The following AUH variants were observed in gnomAD, a reference collection of about 807,000 sequenced individuals.
AUH encodes the protein AU RNA binding methylglutaconyl-CoA hydratase, also known as methylglutaconyl-CoA hydratase, mitochondrial.
AUH carries 29 observed loss-of-function variants against 42.3 expected under a neutral mutation model. That is an observed-to-expected ratio of 0.69 (90% CI 0.51 to 0.93). AUH has a LOEUF of 0.93. Ranked by LOEUF, AUH falls within the 40% of genes least tolerant of loss-of-function variation. The pLI is 0.00. For synonymous variants in AUH, 174 were observed against 166.4 expected (o/e 1.05, Z -0.35); for missense variants, 452 against 438.1 (o/e 1.03, Z -0.28).
intron 6 of AUH, among the ~76,000 whole-genome samples, chr9:91,268,492 G>A (rs1046284216): frequency 2.6e-5 from 4 of 151,856 alleles, no homozygotes; most frequent in African/African-American, 4.8e-5. Context: ...GTGCAGTGGC[G>A]CCATCTCGGC....
At chr9:91,236,184 T>C (rs1054594689) in intron 6 of AUH, among the ~76,000 whole-genome samples, 2 of 150,748 alleles carry the variant, frequency 1.3e-5, no homozygotes, top group African/African-American at 2.4e-5. Context: ...ACACTTGAGA[T>C]GTGTGATCAG....
intron 4 of AUH, among the ~76,000 whole-genome samples, chr9:91,298,604 T>C (rs1267137640): frequency 6.6e-6 from 1 of 152,202 alleles, no homozygotes; most frequent in Admixed American, 6.5e-5. Context: ...GCCCTAACAT[T>C]ATGAATGGGA....
chr9:91,320,614 C>A (rs1238046705), intron 4 of AUH, among the ~76,000 whole-genome samples: 1 of 152,204 alleles, frequency 6.6e-6, no homozygotes, highest in Non-Finnish European at 1.5e-5. Flanking sequence ...ATTCTGGGGA[C>A]TGCCCGATTC....
chr9:91,344,081 C>A (rs1831304116), intron 3 of AUH, among the ~76,000 whole-genome samples: 1 of 152,100 alleles, frequency 6.6e-6, no homozygotes, highest in African/African-American at 2.4e-5. Context: ...CACAGATGAC[C>A]AGCATTAACA....
chr9:91,292,274 T>A (rs1468617784), intron 6 of AUH, among the ~76,000 whole-genome samples: 1 of 118,952 alleles, frequency 8.4e-6, no homozygotes. Flanking sequence ...GGGAACCCTC[T>A]TTTTTTTTTT....
At chr9:91,283,187 T>C (rs1451627046) in intron 6 of AUH, among the ~76,000 whole-genome samples, 1 of 152,152 alleles carries the variant, frequency 6.6e-6, no homozygotes, top group Non-Finnish European at 1.5e-5. Flanking sequence ...TAATCCAGCA[T>C]ATAAACAGAA....
intron 6 of AUH, among the ~76,000 whole-genome samples, chr9:91,285,204 G>T (rs1024929255): frequency 2.6e-5 from 4 of 151,682 alleles, no homozygotes; most frequent in Non-Finnish European, 2.9e-5. Flanking sequence ...GCAAACTATT[G>T]CAAGGACAAA....
intron 4 of AUH, among the ~76,000 whole-genome samples, chr9:91,304,414 A>G (rs1828051212): frequency 6.6e-6 from 1 of 152,244 alleles, no homozygotes; most frequent in Non-Finnish European, 1.5e-5. Context: ...GCAACATGGA[A>G]TAGGGTCCAA....
rs758238979 is a variant in AUH at position 91,361,687 on chromosome 9, C to G, written c.203G>C (p.Ser68Thr). The change falls in exon 1 of 10, where the codon AGC becomes ACC. Residue 68 changes from serine (S) to threonine (T), a missense_variant. Physicochemically the swap from Ser to Thr is moderately conservative, Grantham distance 58. Transcript: ENST00000375731. ...CTCGTCCTCCGTCTTCATCTCAGAGCTGTAGCCCCTTTTCGGGGCGGGACC... is the reference window on the plus strand; with the variant it reads ...CTCGTCCTCCGTCTTCATCTCAGAGGTGTAGCCCCTTTTCGGGGCGGGACC... ...AGGPAPKRGY[S>T]SEMKTEDELR... 1 of 1,572,302 alleles carries G rather than the reference C, an allele frequency of 6.4e-7. No individual in the cohort carries two copies.
chr9:91,307,471 G>A (rs1456224111), intron 4 of AUH, among the ~76,000 whole-genome samples: 4 of 152,044 alleles, frequency 2.6e-5, no homozygotes, highest in African/African-American at 7.2e-5. Flanking sequence ...ATGGTCAACC[G>A]CAGTTAAAAA....
intron 6 of AUH, among the ~76,000 whole-genome samples, chr9:91,252,902 G>A (rs969165885): frequency 1.3e-5 from 2 of 152,056 alleles, no homozygotes; most frequent in Non-Finnish European, 2.9e-5. Flanking sequence ...ATGAGAATAC[G>A]CAAACTTTTT....
chr9:91,271,269 A>G, intron 6 of AUH, among the ~76,000 whole-genome samples: 1 of 152,252 alleles, frequency 6.6e-6, no homozygotes, highest in Non-Finnish European at 1.5e-5. Context: ...AATAGAAAAG[A>G]GCATGCTTCC....
At chr9:91,233,441 A>AG (rs1249292121) in intron 6 of AUH, among the ~76,000 whole-genome samples, 3 of 152,168 alleles carry the variant, frequency 2.0e-5, no homozygotes, top group Non-Finnish European at 4.4e-5. Flanking sequence ...GTTTACTCTG[A>AG]GGGGGACAAG....
intron 6 of AUH, among the ~76,000 whole-genome samples, chr9:91,225,814 G>A (rs1310636490): frequency 6.6e-6 from 1 of 151,088 alleles, no homozygotes; most frequent in Admixed American, 6.6e-5. Flanking sequence ...TTGGTTTTTT[G>A]TTCTTGGGAT....
intron 5 of AUH, 82 bp downstream of exon 5, chr9:91,297,902 G>T: frequency 1.8e-6 from 2 of 1,136,104 alleles, no homozygotes; most frequent in Non-Finnish European, 2.6e-6. Context: ...ACAGGAAGCA[G>T]AATAAAATAT....
rs542073252 is a variant in AUH at position 91,256,547 on chromosome 9, G to A, written c.656-35555C>T. ...GGAAAGTCACTGTAGTCTTAACAAG[G>A]AGGGCTGGGATTTTGCCTCTGCTTG... On this transcript the variant is annotated intron_variant, in intron 6 of 9. Transcript: ENST00000375731. Among the ~76,000 whole-genome samples, 77 of 152,118 alleles carry A rather than the reference G, an allele frequency of 5.1e-4. 2 individuals are homozygous for A. The highest frequency in any genetic ancestry group is 1.8e-3 in the African/African-American group (75 of 41,474).
chr9:91,331,343 T>C (rs1830311189), intron 3 of AUH, among the ~76,000 whole-genome samples: 1 of 152,222 alleles, frequency 6.6e-6, no homozygotes, highest in South Asian at 2.1e-4. Context: ...AATGGCAGTA[T>C]CATAGCCAAT....
intron 5 of AUH, 99 bp from the exon 6 acceptor site, chr9:91,296,176 A>G: frequency 8.6e-7 from 1 of 1,159,174 alleles, no homozygotes; most frequent in Non-Finnish European, 1.2e-6. Context: ...TTGTTTACTA[A>G]TTAAATTGAT....
intron 3 of AUH, among the ~76,000 whole-genome samples, chr9:91,346,680 T>C (rs1336916193): frequency 6.6e-6 from 1 of 152,074 alleles, no homozygotes; most frequent in Non-Finnish European, 1.5e-5. Context: ...TCAGTTAAAT[T>C]CTGCCACCAT....
Sources: gnomAD v4.1 joint callset for allele counts (sites outside exome capture counted in the v4.1 genomes callset) on GRCh38, gnomAD v4.1.1 for gene constraint, MANE v1.5 for transcripts, NCBI Gene and HGNC (gene_info 2026-07-23, HGNC 2026-07-21) for gene names.